Variants in SLC35F4 observed in about 807,000 individuals in gnomAD.
The protein encoded by SLC35F4 is chromosome 14 open reading frame 36.
Under a neutral mutation model 44.2 loss-of-function variants are expected in SLC35F4, and 24 were observed. The observed-to-expected ratio is 0.54, with a 90% CI of 0.39 to 0.76. The LOEUF (loss-of-function observed/expected upper bound fraction) is 0.76, where lower values mean the gene tolerates loss of function less well. SLC35F4 is among the 30% of genes least tolerant of loss of function. SLC35F4 has a pLI of 0.00. For missense variants in SLC35F4, 562 were observed against 586.1 expected, an observed-to-expected ratio of 0.96 and a Z score of 0.42; for synonymous variants, 238 against 223.6, an observed-to-expected ratio of 1.06 and a Z score of -0.57.
intron 1 of SLC35F4, among the ~76,000 whole-genome samples, chr14:57,927,198 A>G (rs1400206780): frequency 6.6e-6 from 1 of 152,212 alleles, no homozygotes; most frequent in Non-Finnish European, 1.5e-5. Flanking sequence ...GATAAAAGGA[A>G]CAAACTTCCT....
intron 1 of SLC35F4, among the ~76,000 whole-genome samples, chr14:57,773,876 G>GTATTAAATT (rs1187537652): frequency 3.3e-5 from 5 of 152,156 alleles, no homozygotes; most frequent in African/African-American, 1.2e-4. Flanking sequence ...AGGAGCCCAT[G>GTATTAAATT]TATTAAATTC....
intron 1 of SLC35F4, among the ~76,000 whole-genome samples, chr14:57,675,318 T>C (rs1003361572): frequency 6.6e-6 from 1 of 152,066 alleles, no homozygotes; most frequent in Non-Finnish European, 1.5e-5. Flanking sequence ...CTGAGGTAGT[T>C]AGAGGGGAAG....
chr14:57,977,657 C>A (rs1330579932), intron 1 of SLC35F4, among the ~76,000 whole-genome samples: 1 of 152,194 alleles, frequency 6.6e-6, no homozygotes, highest in Non-Finnish European at 1.5e-5. Flanking sequence ...AACCACTGAT[C>A]CCAAGTCTCA....
intron 1 of SLC35F4, among the ~76,000 whole-genome samples, chr14:57,845,153 G>C (rs548705101): frequency 6.6e-6 from 1 of 152,168 alleles, no homozygotes; most frequent in Non-Finnish European, 1.5e-5. Flanking sequence ...AGAACTTCAG[G>C]AGGAGGAAAA....
chr14:57,727,009 T>TC (rs2076220259), intron 1 of SLC35F4, among the ~76,000 whole-genome samples: 1 of 152,088 alleles, frequency 6.6e-6, no homozygotes, highest in Non-Finnish European at 1.5e-5. Flanking sequence ...AACATCGGAC[T>TC]CCAAGTTCTT....
chr14:57,860,787 G>C (rs1231751457), intron 1 of SLC35F4, among the ~76,000 whole-genome samples: 2 of 152,106 alleles, frequency 1.3e-5, no homozygotes, highest in African/African-American at 4.8e-5. Context: ...ACTTCCACTA[G>C]TCTTTGATTC....
intron 1 of SLC35F4, among the ~76,000 whole-genome samples, chr14:57,637,231 T>C (rs574175355): frequency 6.6e-6 from 1 of 152,098 alleles, no homozygotes; most frequent in South Asian, 2.1e-4. Flanking sequence ...CATCAACCTG[T>C]AGAAAAAAGT....
chr14:57,589,630 G>T, intron 2 of SLC35F4, 117 bp from the exon 3 acceptor site: 2 of 1,110,004 alleles, frequency 1.8e-6, no homozygotes, highest in Non-Finnish European at 2.5e-6. Flanking sequence ...AGAATTACCA[G>T]TGTTTTTCTT....
At chr14:57,616,996 T>C (rs535761107) in intron 1 of SLC35F4, among the ~76,000 whole-genome samples, 16 of 152,144 alleles carry the variant, frequency 1.1e-4, no homozygotes, top group Non-Finnish European at 2.2e-4. Context: ...TTTTCTGTTT[T>C]GCAAAAACAG....
At chr14:57,756,590 G>A (rs937821551) in intron 1 of SLC35F4, among the ~76,000 whole-genome samples, 1 of 151,662 alleles carries the variant, frequency 6.6e-6, no homozygotes, top group Non-Finnish European at 1.5e-5. Context: ...ATATTGATTA[G>A]GTCAAGTTTG....
intron 1 of SLC35F4, among the ~76,000 whole-genome samples, chr14:57,742,634 A>ACACCC (rs2076642558): frequency 6.6e-6 from 1 of 152,216 alleles, no homozygotes; most frequent in South Asian, 2.1e-4. Context: ...GGAGACTTTA[A>ACACCC]CACCCCACTT....
intron 1 of SLC35F4, among the ~76,000 whole-genome samples, chr14:57,715,501 G>T (rs1460456115): frequency 1.3e-5 from 2 of 152,224 alleles, no homozygotes; most frequent in Middle Eastern, 6.3e-3. Flanking sequence ...CTAGGGTGTT[G>T]TAACCAGAGT....
intron 1 of SLC35F4, among the ~76,000 whole-genome samples, chr14:57,934,243 C>G (rs1027649878): frequency 4.6e-5 from 7 of 151,146 alleles, no homozygotes; most frequent in African/African-American, 1.7e-4. Flanking sequence ...TCTGGTCCCT[C>G]TTTTGTCCCC....
intron 2 of SLC35F4, among the ~76,000 whole-genome samples, chr14:57,590,129 C>T (rs1405875822): frequency 2.7e-5 from 4 of 149,470 alleles, no homozygotes; most frequent in African/African-American, 9.9e-5. Context: ...GTGACTCAGG[C>T]CTGTCATCTC....
chr14:57,868,678 A>G (rs757549856), upstream of SLC35F4, among the ~76,000 whole-genome samples: 81 of 152,154 alleles, frequency 5.3e-4, no homozygotes, highest in Non-Finnish European at 9.1e-4. Context: ...GGGTTTCACC[A>G]TGTTGGCCAG....
intron 1 of SLC35F4, among the ~76,000 whole-genome samples, chr14:57,697,452 C>T (rs1400156444): frequency 6.6e-6 from 1 of 152,038 alleles, no homozygotes; most frequent in Non-Finnish European, 1.5e-5. Context: ...GTAATCTCAG[C>T]ACTTTGGGAG....
chr14:57,925,309 T>C (rs1455691684), intron 1 of SLC35F4, among the ~76,000 whole-genome samples: 1 of 152,114 alleles, frequency 6.6e-6, no homozygotes, highest in African/African-American at 2.4e-5. Flanking sequence ...GGTTTGTTGT[T>C]TGTTTTTCAC....
intron 1 of SLC35F4, among the ~76,000 whole-genome samples, chr14:57,648,331 G>A (rs1470980526): frequency 6.6e-6 from 1 of 152,082 alleles, no homozygotes; most frequent in East Asian, 1.9e-4. Context: ...AACAGAGACA[G>A]TTAATCTAAA....
intron 1 of SLC35F4, among the ~76,000 whole-genome samples, chr14:57,760,535 A>T (rs772563212): frequency 2.0e-5 from 3 of 151,946 alleles, no homozygotes; most frequent in Non-Finnish European, 2.9e-5. Flanking sequence ...TGTTTTTTCT[A>T]TCTCTATTGT....
Sources: gnomAD v4.1 joint callset for allele counts (sites outside exome capture counted in the v4.1 genomes callset) on GRCh38, gnomAD v4.1.1 for gene constraint, MANE v1.5 for transcripts, NCBI Gene and HGNC (gene_info 2026-07-23, HGNC 2026-07-21) for gene names.